The following AFF3 variants were observed in gnomAD, a reference collection of about 807,000 sequenced individuals.
AFF3 encodes ALF transcription elongation factor 3, also known as AF4/FMR2 family member 3.
AFF3 carries 32 observed loss-of-function variants against 129.7 expected under a neutral mutation model. That is an observed-to-expected ratio of 0.25 (90% CI 0.19 to 0.33). The LOEUF (loss-of-function observed/expected upper bound fraction) is 0.33, where lower values mean the gene tolerates loss of function less well. Ranked by LOEUF, AFF3 falls within the 10% of genes least tolerant of loss-of-function variation. The pLI is 1.00. For synonymous variants in AFF3, 644 were observed against 635.4 expected, an observed-to-expected ratio of 1.01 and a Z score of -0.20; for missense variants, 1,373 against 1,592.0, an observed-to-expected ratio of 0.86 and a Z score of 2.34.
intron 8 of AFF3, among the ~76,000 whole-genome samples, chr2:99,820,794 TAAGTCACAAACATACA>T (rs1687608610): frequency 7.1e-6 from 1 of 141,356 alleles, no homozygotes; most frequent in Non-Finnish European, 1.6e-5. Flanking sequence ...TTGTCAAAAT[TAAGTCACAAACATACA>T]TATTAGCCTA....
intron 7 of AFF3, among the ~76,000 whole-genome samples, chr2:99,952,658 A>G (rs1676273508): frequency 6.6e-6 from 1 of 151,970 alleles, no homozygotes; most frequent in Non-Finnish European, 1.5e-5. Flanking sequence ...TATATTAAAA[A>G]CTCATCTTAA....
rs573802881 is a variant in AFF3 at position 99,916,743 on chromosome 2, A to G, written c.874-79219T>C. Among the ~76,000 whole-genome samples the G allele has an allele frequency of 1.4e-4, 22 of 152,152 alleles. No individual in the cohort carries two copies. The East Asian group carries it at 4.1e-3, about 28-fold the overall frequency. On this transcript the variant is annotated intron_variant, in intron 7 of 24. Coordinates refer to ENST00000672756, the MANE Select transcript of AFF3 (RefSeq NM_001386135.1). ...AACGCATATCATGGTAACACTCCCT[A>G]GGCAGAATTAGGAGCCACTTCTTCA... is the stretch of plus-strand genomic sequence containing the variant.
intron 19 of AFF3, 107 bp downstream of exon 19, chr2:99,568,745 C>T: frequency 1.8e-6 from 2 of 1,118,680 alleles, no homozygotes; most frequent in South Asian, 1.3e-5. Context: ...CAGACCCGGC[C>T]ATCCTTGTAA....
At chr2:99,568,455 T>A (rs1559486596) in intron 19 of AFF3, among the ~76,000 whole-genome samples, 1 of 152,194 alleles carries the variant, frequency 6.6e-6, no homozygotes, top group Admixed American at 6.5e-5. Flanking sequence ...GGCAGATACA[T>A]GTGAAGAACA....
At chr2:99,745,637 T>A (rs1681094831) in intron 9 of AFF3, among the ~76,000 whole-genome samples, 1 of 152,154 alleles carries the variant, frequency 6.6e-6, no homozygotes, top group Non-Finnish European at 1.5e-5. Context: ...TTGGCAATCA[T>A]CCCACCAGTA....
chr2:99,943,807 T>G (rs918828749), intron 7 of AFF3, among the ~76,000 whole-genome samples: 2 of 152,218 alleles, frequency 1.3e-5, no homozygotes, highest in Admixed American at 6.5e-5. Context: ...ATGAGTTTAG[T>G]GGAGTCTCCC....
intron 1 of AFF3, among the ~76,000 whole-genome samples, chr2:100,134,706 C>T (rs1412011237): frequency 2.0e-5 from 3 of 152,168 alleles, no homozygotes; most frequent in Admixed American, 6.5e-5. Flanking sequence ...CTCCTCTCCA[C>T]CACCCATAGC....
intron 18 of AFF3, among the ~76,000 whole-genome samples, chr2:99,576,515 CAAA>C (rs776848009): frequency 4.8e-5 from 3 of 63,096 alleles, no homozygotes. Flanking sequence ...GACCCTGTCT[CAAA>C]AAAAAAAAAA....
intron 7 of AFF3, among the ~76,000 whole-genome samples, chr2:99,933,157 T>C (rs181741438): frequency 2.0e-5 from 3 of 152,254 alleles, no homozygotes; most frequent in African/African-American, 7.2e-5. Context: ...TCTTTTTTTT[T>C]AAATAAAAAC....
chr2:99,684,366 C>A (rs140231766), intron 11 of AFF3, among the ~76,000 whole-genome samples: 2 of 152,176 alleles, frequency 1.3e-5, no homozygotes, highest in Admixed American at 1.3e-4. Flanking sequence ...GCAGCCATCT[C>A]CCCTCCCCCT....
rs972662865 is a variant in AFF3, at chr2:100,061,866, G to C, written c.53+42536C>G. Among the ~76,000 whole-genome samples the C allele has an allele frequency of 1.2e-4, 18 of 150,254 alleles. 1 individual carries two copies. Among genetic ancestry groups the C allele is most frequent in the African/African-American group, 2.7e-4 (11 of 41,356 alleles). ...ATGGGTAGCACAGTGGAGGGGGGGG[G>C]GGTGCCGACTCTCAAGTCCACTGAC... On this transcript the variant is annotated intron_variant, in intron 4 of 24. Transcript: ENST00000672756.
intron 7 of AFF3, among the ~76,000 whole-genome samples, chr2:99,920,469 T>A (rs979030383): frequency 6.6e-6 from 1 of 152,074 alleles, no homozygotes; most frequent in African/African-American, 2.4e-5. Context: ...CTGACACATC[T>A]ATTTATGTAT....
intron 7 of AFF3, among the ~76,000 whole-genome samples, chr2:99,883,352 T>C (rs868313576): frequency 2.2e-4 from 33 of 152,338 alleles, no homozygotes; most frequent in Middle Eastern, 6.8e-3. Flanking sequence ...AGTCTGAATG[T>C]AGAGACTTTT....
At chr2:99,655,769 A>G (rs1297812265) in intron 12 of AFF3, among the ~76,000 whole-genome samples, 4 of 152,182 alleles carry the variant, frequency 2.6e-5, no homozygotes, top group Admixed American at 2.0e-4. Context: ...GAGGGAGGCA[A>G]TAAGATTTTT....
At chr2:100,114,897 A>G (rs894985808) in intron 2 of AFF3, among the ~76,000 whole-genome samples, 1 of 152,230 alleles carries the variant, frequency 6.6e-6, no homozygotes, top group African/African-American at 2.4e-5. Flanking sequence ...ACAGGAAGAC[A>G]ATTCAAGCCA....
chr2:100,132,395 C>T (rs1043689407), intron 1 of AFF3, among the ~76,000 whole-genome samples: 33 of 152,016 alleles, frequency 2.2e-4, no homozygotes, highest in African/African-American at 8.0e-4. Context: ...GAAAATAACT[C>T]TAGAAACAAC....
intron 22 of AFF3, among the ~76,000 whole-genome samples, 188 bp from the exon 23 acceptor site, chr2:99,554,920 G>A (rs11893480): frequency 0.18 from 27,040 of 152,098 alleles, 2,580 homozygotes; most frequent in East Asian, 0.25. Context: ...AAGGGAGTCG[G>A]GACAGCTGCC....
In AFF3 at chr2:99,719,881, C is replaced by A. The variant is rs1678730630; in HGVS notation, c.1091+7196G>T. Among the ~76,000 whole-genome samples, 3 of 152,078 alleles carry A rather than the reference C, an allele frequency of 2.0e-5. No homozygotes were observed. In the South Asian group the frequency reaches 6.3e-4, roughly 32 times the overall value. On this transcript the variant is annotated intron_variant, in intron 11 of 24. Coordinates refer to ENST00000672756, the MANE Select transcript of AFF3 (RefSeq NM_001386135.1). The stretch of plus-strand genomic sequence containing the variant: ...TGAAACCCCATCTCTACTAAAAATA[C>A]AAAAAATTAGCCGGGCATGGTGGCG...
chr2:99,704,304 A>G (rs1265384581), intron 11 of AFF3, among the ~76,000 whole-genome samples: 1 of 152,184 alleles, frequency 6.6e-6, no homozygotes. Flanking sequence ...CTTTAAGGGT[A>G]GATCTACTAG....
Sources: gnomAD v4.1 joint callset for allele counts (sites outside exome capture counted in the v4.1 genomes callset) on GRCh38, gnomAD v4.1.1 for gene constraint, MANE v1.5 for transcripts, NCBI Gene and HGNC (gene_info 2026-07-23, HGNC 2026-07-21) for gene names.